Variants in PRKCQ observed in about 807,000 individuals in gnomAD.
PRKCQ encodes protein kinase C theta.
Under a neutral mutation model 91.2 loss-of-function variants are expected in PRKCQ, and 41 were observed. The ratio of observed to expected loss-of-function variants is 0.45; its 90% CI spans 0.35 to 0.58. PRKCQ has a LOEUF of 0.58. Ranked by LOEUF, PRKCQ falls within the 20% of genes least tolerant of loss-of-function variation. PRKCQ has a pLI of 0.00. For missense variants in PRKCQ, 673 were observed against 896.5 expected, an observed-to-expected ratio of 0.75 and a Z score of 3.18; for synonymous variants, 307 against 316.9, an observed-to-expected ratio of 0.97 and a Z score of 0.33.
chr10:6,549,831 C>G (rs1252731639), intron 1 of PRKCQ, among the ~76,000 whole-genome samples: 1 of 151,894 alleles, frequency 6.6e-6, no homozygotes, highest in Non-Finnish European at 1.5e-5. Flanking sequence ...GCGCTCTCCC[C>G]ATGTTGGCCA....
At chr10:6,540,684 T>C (rs1839745460) in intron 1 of PRKCQ, among the ~76,000 whole-genome samples, 2 of 152,248 alleles carry the variant, frequency 1.3e-5, no homozygotes, top group Non-Finnish European at 2.9e-5. Context: ...TGGTGAATAA[T>C]GCTGCCACGG....
intron 1 of PRKCQ, among the ~76,000 whole-genome samples, chr10:6,549,460 G>C (rs1840096018): frequency 6.6e-6 from 1 of 152,132 alleles, no homozygotes; most frequent in South Asian, 2.1e-4. Context: ...TAACTGGAGT[G>C]AGGGCAGGGA....
intron 12 of PRKCQ, among the ~76,000 whole-genome samples, chr10:6,471,136 T>G (rs1835939286): frequency 6.6e-6 from 1 of 151,986 alleles, no homozygotes; most frequent in African/African-American, 2.4e-5. Context: ...GTCAGACCAT[T>G]TATCTTTCTT....
At chr10:6,460,818 A>T (rs1835283233) in intron 14 of PRKCQ, among the ~76,000 whole-genome samples, 1 of 149,134 alleles carries the variant, frequency 6.7e-6, no homozygotes, top group East Asian at 1.9e-4. Context: ...CTCCCCACCC[A>T]TCCATCACCA....
At chr10:6,415,707 T>C in the PRKCQ span, among the ~76,000 whole-genome samples, 1 of 151,384 alleles carries the variant, frequency 6.6e-6, no homozygotes, top group African/African-American at 2.4e-5. Context: ...TGAAGCCCCA[T>C]TGTTGACAAT....
At chr10:6,563,089 G>C (rs1031888435) in intron 1 of PRKCQ, among the ~76,000 whole-genome samples, 3 of 152,176 alleles carry the variant, frequency 2.0e-5, no homozygotes, top group African/African-American at 7.2e-5. Context: ...AATAGCCCCT[G>C]TCCCTTGTCA....
chr10:6,422,008 T>C, the PRKCQ span, among the ~76,000 whole-genome samples: 1 of 152,246 alleles, frequency 6.6e-6, no homozygotes, highest in South Asian at 2.1e-4. Context: ...TTACAAATTG[T>C]ATCTTGCTTT....
rs538455717 is a variant in PRKCQ at position 6,532,810 on chromosome 10, T to C, written c.-9-17666A>G. 6.2e-4 allele frequency among the ~76,000 whole-genome samples: 94 copies of C among 152,344 alleles called. No individual in the cohort carries two copies. The Middle Eastern group carries it at 0.014, about 22-fold the overall frequency. ...TCAAAGATGAGAATAACTAAGAGGC[T>C]GCTAAATCTAAGAGATATTGGTAAT... On this transcript the variant is annotated intron_variant, in intron 1 of 17. Transcript: ENST00000263125.
intron 15 of PRKCQ, among the ~76,000 whole-genome samples, chr10:6,455,936 C>T (rs1269959905): frequency 6.6e-6 from 1 of 152,122 alleles, no homozygotes; most frequent in African/African-American, 2.4e-5. Flanking sequence ...TCCAGTCATG[C>T]AGGGAGATTT....
At position 6,430,937 on chromosome 10, in the gene PRKCQ, A is replaced by T. The variant is rs1355308902; in HGVS notation, c.1838T>A (p.Leu613His). 6.2e-7 allele frequency: 1 copy of T among 1,613,810 alleles called. No individual in the cohort carries two copies. Among genetic ancestry groups the T allele is most frequent in the Non-Finnish European group, 8.5e-7 (1 of 1,179,902 alleles). The change falls in exon 17 of 18, where the codon CTC becomes CAC. Residue 613 changes from leucine to histidine, a missense_variant and splice_region_variant. Coordinates refer to ENST00000263125, the MANE Select transcript of PRKCQ (RefSeq NM_006257.5). This position sits in a 1 kb window ranked among gnomAD's most constrained non-coding sequence, Gnocchi z 4.7. ...CCTCTTCTCAGGTTCTCGCACGAAG[A>T]GCTGAAAGGGAGCAGAGCAGGAGCC... ...EKEAKDLLVK[L>H]FVREPEKRLG... is the part of the protein sequence containing the mutation.
intron 4 of PRKCQ, among the ~76,000 whole-genome samples, chr10:6,500,320 A>C (rs1489332059): frequency 6.6e-6 from 1 of 152,044 alleles, no homozygotes; most frequent in African/African-American, 2.4e-5. Context: ...CAGGGAATGA[A>C]AGTGAATTAT....
chr10:6,560,767 C>T (rs978174197), intron 1 of PRKCQ, among the ~76,000 whole-genome samples: 11 of 152,154 alleles, frequency 7.2e-5, no homozygotes, highest in East Asian at 3.9e-4. Flanking sequence ...AGGCCAGGCG[C>T]GGTGTCTCAT....
Position 6,442,087 on chromosome 10 carries a change from C to T in PRKCQ, c.1648-6G>A. The stretch of plus-strand genomic sequence containing the variant: ...TATTTCTGACCCAGCAAGATCTGCA[C>T]AACCAAAAGGCAGACAGGAAATTAA... On this transcript the variant is annotated splice_region_variant and splice_polypyrimidine_tract_variant and intron_variant, in intron 15 of 17. Transcript: ENST00000263125. 3 of 1,608,136 alleles carry T rather than the reference C, an allele frequency of 1.9e-6. No individual in the cohort carries two copies. The highest frequency in any genetic ancestry group is 2.6e-6 in the Non-Finnish European group (3 of 1,175,172).
intron 1 of PRKCQ, among the ~76,000 whole-genome samples, chr10:6,559,128 C>T (rs528811905): frequency 1.1e-4 from 17 of 152,268 alleles, no homozygotes; most frequent in Non-Finnish European, 2.5e-4. Context: ...AGAAAAGTTA[C>T]GTATCCTCAT....
intron 4 of PRKCQ, among the ~76,000 whole-genome samples, chr10:6,500,562 G>T (rs1837850433): frequency 6.6e-6 from 1 of 151,638 alleles, no homozygotes; most frequent in Admixed American, 6.6e-5. Context: ...TTAATACCCT[G>T]TTATTTTCTG....
Position 6,576,992 on chromosome 10 carries a change from C to T in PRKCQ, c.-10+3219G>A, listed in dbSNP as rs1168433057. On this transcript the variant is annotated intron_variant, in intron 1 of 17. Transcript: ENST00000263125. This position sits in a 1 kb window ranked among gnomAD's most constrained non-coding sequence, Gnocchi z 4.2. Reference sequence around the variant, plus strand: ...AAAATTCTGAGTATGATATACAGCACATAAATTCTAAATAATAAAGACTCA... The same window carrying T: ...AAAATTCTGAGTATGATATACAGCATATAAATTCTAAATAATAAAGACTCA... Among the ~76,000 whole-genome samples the T allele has an allele frequency of 6.6e-6, 1 of 152,074 alleles. No homozygotes were observed. Among genetic ancestry groups the T allele is most frequent in the African/African-American group, 2.4e-5 (1 of 41,378 alleles).
At chr10:6,565,382 T>A (rs73617884) in intron 1 of PRKCQ, among the ~76,000 whole-genome samples, 202 of 152,298 alleles carry the variant, frequency 1.3e-3, no homozygotes, top group African/African-American at 4.8e-3. Flanking sequence ...AGAGAAGGGG[T>A]TTGCTTGCTG....
chr10:6,517,504 C>G lies in PRKCQ; in HGVS notation c.-9-2360G>C, dbSNP rs10906769. Among the ~76,000 whole-genome samples the G allele has an allele frequency of 2.7e-5, 4 of 146,322 alleles. No individual in the cohort carries two copies. The South Asian group carries it at 9.0e-4, about 33-fold the overall frequency. On this transcript the variant is annotated intron_variant, in intron 1 of 17. Coordinates refer to ENST00000263125, the MANE Select transcript of PRKCQ (RefSeq NM_006257.5). ...ATCCTATTGACAGTAGCTCTACGATCTGCGTTACTAAAGTCTGTAGCTACA... is the reference window on the plus strand; with the variant it reads ...ATCCTATTGACAGTAGCTCTACGATGTGCGTTACTAAAGTCTGTAGCTACA...
intron 1 of PRKCQ, among the ~76,000 whole-genome samples, chr10:6,550,650 C>G (rs1294757309): frequency 6.6e-6 from 1 of 152,214 alleles, no homozygotes; most frequent in Non-Finnish European, 1.5e-5. Flanking sequence ...CACCTCTTGG[C>G]TATTGAGAAT....
Sources: gnomAD v4.1 joint callset for allele counts (sites outside exome capture counted in the v4.1 genomes callset) on GRCh38, gnomAD v4.1.1 for gene constraint, Gnocchi (gnomAD v3.1) non-coding constraint, MANE v1.5 for transcripts, NCBI Gene and HGNC (gene_info 2026-07-23, HGNC 2026-07-21) for gene names.